Variants in AUH observed in about 807,000 individuals in gnomAD.
AUH encodes methylglutaconyl-CoA hydratase, mitochondrial.
In AUH, 29 loss-of-function variants were observed where a neutral mutation model predicts 42.3. That is an observed-to-expected ratio of 0.69 (90% CI 0.51 to 0.93). AUH has a LOEUF of 0.93. AUH is among the 40% of genes least tolerant of loss of function. The pLI is 0.00. For synonymous variants in AUH, 174 were observed against 166.4 expected (o/e 1.05, Z -0.35); for missense variants, 452 against 438.1 (o/e 1.03, Z -0.28).
intron 6 of AUH, among the ~76,000 whole-genome samples, chr9:91,284,054 T>C (rs1826199435): frequency 6.6e-6 from 1 of 151,464 alleles, no homozygotes; most frequent in East Asian, 1.9e-4. Flanking sequence ...GCTACCTGAC[T>C]TCAAACTATA....
intron 5 of AUH, 23 bp downstream of exon 5, chr9:91,297,961 T>G: frequency 1.9e-6 from 3 of 1,546,218 alleles, no homozygotes; most frequent in Non-Finnish European, 2.7e-6. Flanking sequence ...TTAAATTATG[T>G]TTTTAACAGG....
At chr9:91,295,701 TTAAGA>T (rs1318412185) in intron 6 of AUH, among the ~76,000 whole-genome samples, 1 of 152,228 alleles carries the variant, frequency 6.6e-6, no homozygotes, top group Non-Finnish European at 1.5e-5. Context: ...TATTTTTAAA[TTAAGA>T]TATGTACATT....
chr9:91,292,772 A>T (rs2131627501), intron 6 of AUH, among the ~76,000 whole-genome samples: 1 of 152,286 alleles, frequency 6.6e-6, no homozygotes, highest in Non-Finnish European at 1.5e-5. Flanking sequence ...CTGTCTACGT[A>T]AGCTAAAAAT....
At chr9:91,355,537 G>GC (rs1486790770) in intron 3 of AUH, among the ~76,000 whole-genome samples, 1 of 150,966 alleles carries the variant, frequency 6.6e-6, no homozygotes, top group Non-Finnish European at 1.5e-5. Context: ...GGGTGACAGA[G>GC]CAAGACTCTA....
intron 3 of AUH, among the ~76,000 whole-genome samples, chr9:91,337,799 G>C (rs546910391): frequency 1.7e-4 from 26 of 152,324 alleles, no homozygotes; most frequent in African/African-American, 5.3e-4. Flanking sequence ...TTCTGCTTCA[G>C]TCCACATCTG....
intron 4 of AUH, among the ~76,000 whole-genome samples, chr9:91,304,914 C>G (rs961261607): frequency 3.3e-5 from 5 of 152,144 alleles, no homozygotes; most frequent in South Asian, 2.1e-4. Flanking sequence ...TCTCCACTTA[C>G]GTGCAGTTTC....
intron 4 of AUH, among the ~76,000 whole-genome samples, chr9:91,299,556 A>G (rs1165948445): frequency 1.3e-5 from 2 of 152,218 alleles, no homozygotes; most frequent in African/African-American, 4.8e-5. Context: ...TTGAAAGGAC[A>G]GGACAAATTC....
At chr9:91,324,705 A>G (rs1829848992) in intron 4 of AUH, among the ~76,000 whole-genome samples, 1 of 151,674 alleles carries the variant, frequency 6.6e-6, no homozygotes, top group South Asian at 2.1e-4. Context: ...GAGGAAACAT[A>G]TACTGTCTTT....
chr9:91,290,658 A>C (rs1826792243), intron 6 of AUH, among the ~76,000 whole-genome samples: 2 of 152,218 alleles, frequency 1.3e-5, no homozygotes, highest in African/African-American at 4.8e-5. Flanking sequence ...TAGTTTCTAG[A>C]CCTCATATGG....
intron 3 of AUH, among the ~76,000 whole-genome samples, chr9:91,347,443 C>G (rs11792167): frequency 6.6e-6 from 1 of 152,192 alleles, no homozygotes; most frequent in Admixed American, 6.5e-5. Context: ...CCACTGGTAA[C>G]TGAGCTGAAT....
chr9:91,274,429 A>C (rs550291764), intron 6 of AUH, among the ~76,000 whole-genome samples: 1 of 152,334 alleles, frequency 6.6e-6, no homozygotes, highest in South Asian at 2.1e-4. Context: ...ACAGGATGTT[A>C]TAAGGTTCTT....
chr9:91,267,151 T>C (rs935981672), intron 6 of AUH, among the ~76,000 whole-genome samples: 2 of 152,194 alleles, frequency 1.3e-5, no homozygotes, highest in African/African-American at 4.8e-5. Context: ...CAGCTACTAA[T>C]GTAAAAAGCC....
At chr9:91,351,595 G>A (rs1333567805) in intron 3 of AUH, among the ~76,000 whole-genome samples, 1 of 152,194 alleles carries the variant, frequency 6.6e-6, no homozygotes, top group Non-Finnish European at 1.5e-5. Context: ...TTGATGAATG[G>A]TACTGGTCTG....
chr9:91,354,122 C>T (rs1832222478), intron 3 of AUH, among the ~76,000 whole-genome samples: 1 of 151,580 alleles, frequency 6.6e-6, no homozygotes, highest in South Asian at 2.1e-4. Context: ...GAGCCAAGAT[C>T]GTGGCACTGC....
At chr9:91,354,712 A>G (rs544484680) in intron 3 of AUH, among the ~76,000 whole-genome samples, 2 of 152,330 alleles carry the variant, frequency 1.3e-5, no homozygotes, top group South Asian at 2.1e-4. Context: ...CAACATTGAT[A>G]TCACTCCTCA....
intron 6 of AUH, among the ~76,000 whole-genome samples, chr9:91,284,295 C>T (rs1826221391): frequency 6.6e-6 from 1 of 152,124 alleles, no homozygotes; most frequent in Admixed American, 6.5e-5. Flanking sequence ...TTCCTTATAA[C>T]TTATACAAAA....
chr9:91,320,721 G>C (rs146146436), intron 4 of AUH, among the ~76,000 whole-genome samples: 20 of 152,212 alleles, frequency 1.3e-4, no homozygotes, highest in Non-Finnish European at 2.5e-4. Flanking sequence ...AGAAAATATG[G>C]TCTCTATACA....
intron 3 of AUH, among the ~76,000 whole-genome samples, chr9:91,329,653 A>C (rs1444939519): frequency 6.6e-6 from 1 of 152,090 alleles, no homozygotes; most frequent in Admixed American, 6.6e-5. Context: ...TTTCTAAAAT[A>C]TATGATTTAC....
intron 6 of AUH, among the ~76,000 whole-genome samples, chr9:91,231,633 A>G (rs1280250280): frequency 2.0e-5 from 3 of 152,148 alleles, no homozygotes; most frequent in African/African-American, 7.2e-5. Context: ...AAAAAATAGG[A>G]TTGTCCTTGG....
Sources: allele counts gnomAD v4.1 joint callset (sites outside exome capture counted in the v4.1 genomes callset), GRCh38; gene constraint gnomAD v4.1.1; transcripts MANE v1.5; gene names NCBI Gene and HGNC (gene_info 2026-07-23, HGNC 2026-07-21).